The following MYO7B variants were observed in gnomAD, a reference collection of about 807,000 sequenced individuals.
MYO7B encodes unconventional myosin-VIIb.
MYO7B carries 212 observed loss-of-function variants against 259.7 expected under a neutral mutation model. That is an observed-to-expected ratio of 0.82 (90% CI 0.73 to 0.91). The LOEUF (loss-of-function observed/expected upper bound fraction) is 0.91. MYO7B is among the 40% of genes least tolerant of loss of function. The probability of loss-of-function intolerance (pLI) is 0.00; values close to 1 mark genes in which losing one functional copy is unlikely to be tolerated. For synonymous variants in MYO7B, 1,197 were observed against 1,166.4 expected (o/e 1.03, Z -0.54); for missense variants, 2,732 against 2,813.5 (o/e 0.97, Z 0.66).
rs761618593 is a variant in MYO7B at position 127,637,309 on chromosome 2, T to C, written c.6328-7T>C. The C allele has an allele frequency of 1.3e-6, 2 of 1,572,078 alleles. No homozygotes were observed. The highest frequency in any genetic ancestry group is 1.8e-5 in the Admixed American group (1 of 54,144). On this transcript the variant is annotated splice_region_variant and splice_polypyrimidine_tract_variant and intron_variant, in intron 47 of 47. Transcript: ENST00000409816. Reference sequence around the variant, plus strand: ...CACAGCCTCTGACCCCCCCGTCCCCTGTCCAGGGCTATAAGATGGATGACC... The same window carrying C: ...CACAGCCTCTGACCCCCCCGTCCCCCGTCCAGGGCTATAAGATGGATGACC...
At chr2:127,592,765 C>T (rs770961850) in intron 16 of MYO7B, 29 bp from the exon 17 acceptor site, 5 of 1,596,048 alleles carry the variant, frequency 3.1e-6, no homozygotes, top group Non-Finnish European at 4.3e-6. Context: ...GGGGCTTGCG[C>T]TGGGTCAGCG....
chr2:127,596,207 G>A (rs1190340983), intron 18 of MYO7B, among the ~76,000 whole-genome samples: 1 of 152,220 alleles, frequency 6.6e-6, no homozygotes, highest in Admixed American at 6.5e-5. Flanking sequence ...ATTCTTCAGA[G>A]TAGAAATAAA....
chr2:127,628,323 T>G lies in MYO7B; in HGVS notation c.4461-49T>G. 1 of 1,560,622 alleles carries G rather than the reference T, an allele frequency of 6.4e-7. No individual in the cohort carries two copies. Among genetic ancestry groups the G allele is most frequent in the Non-Finnish European group, 8.7e-7 (1 of 1,156,014 alleles). On this transcript the variant is annotated intron_variant, in intron 33 of 47. Coordinates refer to ENST00000409816, the MANE Select transcript of MYO7B (RefSeq NM_001393586.1). The surrounding 1 kb of genome is among the most constrained non-coding windows in gnomAD (Gnocchi z 4.8). ...CTCCCGAGGCTGTTTAGGGGCTGGA[T>G]CAGGGGAAGGTGGAGGGGGCTCCTG...
At chr2:127,598,500 TG>T (rs1489734054) in intron 19 of MYO7B, among the ~76,000 whole-genome samples, 3 of 152,258 alleles carry the variant, frequency 2.0e-5, no homozygotes, top group Admixed American at 6.5e-5. Context: ...CTGTCAGCTA[TG>T]TGGTTTGTGA....
intron 7 of MYO7B, among the ~76,000 whole-genome samples, chr2:127,574,396 G>T (rs1257360447): frequency 1.3e-5 from 2 of 152,112 alleles, no homozygotes; most frequent in African/African-American, 4.8e-5. Context: ...AAAAAAATTA[G>T]CTAGGCAGTG....
intron 7 of MYO7B, among the ~76,000 whole-genome samples, chr2:127,574,927 C>T (rs1302165322): frequency 6.6e-6 from 1 of 152,238 alleles, no homozygotes; most frequent in Non-Finnish European, 1.5e-5. Context: ...GCACCCACAA[C>T]AGCAGAATTA....
intron 6 of MYO7B, among the ~76,000 whole-genome samples, chr2:127,570,612 A>G (rs1380521751): frequency 6.6e-6 from 1 of 152,236 alleles, no homozygotes; most frequent in Non-Finnish European, 1.5e-5. Flanking sequence ...TTTGCTTTAC[A>G]TATAGTAAAT....
intron 1 of MYO7B, among the ~76,000 whole-genome samples, chr2:127,556,150 A>G (rs1693627451): frequency 6.6e-6 from 1 of 152,204 alleles, no homozygotes; most frequent in Non-Finnish European, 1.5e-5. Flanking sequence ...ATTATATAAT[A>G]TCCCTCTTTG....
intron 18 of MYO7B, 71 bp downstream of exon 18, chr2:127,593,715 CCCGGGGT>C: frequency 7.0e-7 from 1 of 1,421,184 alleles, no homozygotes; most frequent in East Asian, 2.3e-5. Flanking sequence ...TTGCACCAGG[CCCGGGGT>C]CCATGGTCCA....
Position 127,625,400 on chromosome 2 carries a change from C to A in MYO7B, c.4080C>A (p.His1360Gln), listed in dbSNP as rs1456214640. The A allele has an allele frequency of 3.1e-6, 5 of 1,603,708 alleles. No individual in the cohort carries two copies. The Admixed American group carries it at 5.1e-5, about 16-fold the overall frequency. Reference sequence around the variant, plus strand: ...AGCTGGTTGAGCTGCTGGCCCGGCACTGCTACGTGCAGCTCGGCGCCTCAG... The same window carrying A: ...AGCTGGTTGAGCTGCTGGCCCGGCAATGCTACGTGCAGCTCGGCGCCTCAG... ...EEELVELLARHCYVQLGASAE... is the reference protein window; with the variant it reads ...EEELVELLARQCYVQLGASAE... Residue 1360 changes from histidine (H) to glutamine (Q), a missense_variant, in exon 31 of 48, where the codon CAC (histidine) becomes CAA (glutamine). By Grantham distance (24) the His-to-Gln change is conservative (BLOSUM62 0). Around this residue, in one of 3 missense-constraint regions of MYO7B, gnomAD observed 1,906 missense variants for 2,026.4 expected, o/e 0.94. Coordinates refer to ENST00000409816, the MANE Select transcript of MYO7B (RefSeq NM_001393586.1).
In MYO7B at chr2:127,544,554, G is replaced by A. The variant is rs1325562245; in HGVS notation, c.-24+8723G>A. On this transcript the variant is annotated intron_variant, in intron 1 of 47. Transcript: ENST00000409816. ...CTTCCAAGTAGCTGGGATTACAGGG[G>A]TGTGCCACCACGTCTGGCTAATTTT... Among the ~76,000 whole-genome samples, 18 of 150,514 alleles carry A rather than the reference G, an allele frequency of 1.2e-4. No homozygotes were observed. The East Asian group carries it at 3.5e-3, about 29-fold the overall frequency.
chr2:127,590,583 GT>G lies in MYO7B; in HGVS notation c.1992+355del, dbSNP rs1307087420. 6.6e-6 allele frequency among the ~76,000 whole-genome samples: 1 copy of G among 152,216 alleles called. No individual in the cohort carries two copies. Among genetic ancestry groups the G allele is most frequent in the African/African-American group, 2.4e-5 (1 of 41,444 alleles). On this transcript the variant is annotated intron_variant, in intron 16 of 47. Coordinates refer to ENST00000409816, the MANE Select transcript of MYO7B (RefSeq NM_001393586.1). This position sits in a 1 kb window ranked among gnomAD's most constrained non-coding sequence, Gnocchi z 4.6. ...GTTGGACATGAGGTTTGCAGTACAT[GT>G]CCCATATGTAAACCACACTCAACAA...
chr2:127,614,381 C>A lies in MYO7B; in HGVS notation c.3398+1778C>A, dbSNP rs1281481023. 6.6e-6 allele frequency among the ~76,000 whole-genome samples: 1 copy of A among 152,116 alleles called. No individual in the cohort carries two copies. The highest frequency in any genetic ancestry group is 1.5e-5 in the Non-Finnish European group (1 of 68,034). ...TGAAGCTCAGCTCCTTCCACGACAT[C>A]TTTTGGTCAGCAGGAAGCTCATGCC... On this transcript the variant is annotated intron_variant, in intron 26 of 47. Transcript: ENST00000409816. The surrounding 1 kb of genome is among the most constrained non-coding windows in gnomAD (Gnocchi z 4.6).
intron 10 of MYO7B, 147 bp downstream of exon 10, chr2:127,580,969 C>T: frequency 2.5e-6 from 2 of 792,014 alleles, no homozygotes; most frequent in Non-Finnish European, 2.0e-6. Context: ...CTTCTGTATA[C>T]TGCAGGTGCC....
At chr2:127,635,549 G>T (rs982180747) in intron 43 of MYO7B, 173 bp from the exon 44 acceptor site, 2 of 741,554 alleles carry the variant, frequency 2.7e-6, no homozygotes, top group African/African-American at 3.5e-5. Flanking sequence ...AGATGTCAGG[G>T]GGCCCTGCCC....
Position 127,605,884 on chromosome 2 carries a change from C to T in MYO7B, c.2380C>T (p.Gln794Ter), listed in dbSNP as rs756630235. The T allele has an allele frequency of 5.6e-6, 9 of 1,613,808 alleles. No individual in the cohort carries two copies. The South Asian group carries it at 9.9e-5, about 18-fold the overall frequency. Residue 794 changes from glutamine to a stop codon, truncating the protein, a stop_gained, in exon 20 of 48, where the codon CAG becomes TAG. Coordinates refer to ENST00000409816, the MANE Select transcript of MYO7B (RefSeq NM_001393586.1). LOFTEE classifies it high-confidence loss of function. ...LRQRRAAVTL[Q>*]AWWRGYCNRR... is the part of the protein sequence containing the mutation. ...GCAGAGGCGGGCAGCTGTGACCCTG[C>T]AGGCCTGGTGGAGAGGCTACTGCAA...
intron 21 of MYO7B, among the ~76,000 whole-genome samples, chr2:127,608,028 G>A (rs1023417651): frequency 2.0e-5 from 3 of 152,184 alleles, no homozygotes; most frequent in Non-Finnish European, 2.9e-5. Context: ...GGGGGGCTGG[G>A]AGGACACTGA....
intron 1 of MYO7B, among the ~76,000 whole-genome samples, chr2:127,557,128 G>T (rs1214141353): frequency 6.6e-6 from 1 of 151,906 alleles, no homozygotes; most frequent in Non-Finnish European, 1.5e-5. Flanking sequence ...ATTCTGAATT[G>T]GGTTGATTCA....
At chr2:127,581,755 G>A in intron 10 of MYO7B, 136 bp from the exon 11 acceptor site, 1 of 1,220,450 alleles carries the variant, frequency 8.2e-7, no homozygotes, top group South Asian at 1.5e-5. Context: ...CCTGGCCCTG[G>A]CCTCGGGCAG....
Sources: allele counts gnomAD v4.1 joint callset (sites outside exome capture counted in the v4.1 genomes callset), GRCh38; gene constraint gnomAD v4.1.1; regional missense constraint gnomAD v4.1.1; non-coding constraint Gnocchi (gnomAD v3.1); transcripts MANE v1.5; gene names NCBI Gene and HGNC (gene_info 2026-07-23, HGNC 2026-07-21).